Variants in TNRC6A observed in about 807,000 individuals in gnomAD.
The protein encoded by TNRC6A is trinucleotide repeat containing adaptor 6A.
A neutral mutation model predicts 221.2 loss-of-function variants in TNRC6A; 44 were observed. The observed-to-expected ratio is 0.20, with a 90% CI of 0.16 to 0.26. The LOEUF is 0.26. Among genes scored for constraint, TNRC6A ranks in the 10% least tolerant of loss-of-function variants. TNRC6A has a pLI of 1.00. For synonymous variants in TNRC6A, 847 were observed against 838.5 expected, an observed-to-expected ratio of 1.01 and a Z score of -0.18; for missense variants, 2,199 against 2,404.4, an observed-to-expected ratio of 0.91 and a Z score of 1.79.
chr16:24,737,562 G>A (rs577354348), intron 2 of TNRC6A, among the ~76,000 whole-genome samples: 9 of 152,316 alleles, frequency 5.9e-5, no homozygotes, highest in South Asian at 2.1e-4. Context: ...CTGACTTCCC[G>A]TTTCAAATGG....
At chr16:24,647,732 C>T (rs1303426806) in intron 2 of TNRC6A, among the ~76,000 whole-genome samples, 17 of 152,172 alleles carry the variant, frequency 1.1e-4, no homozygotes, top group Admixed American at 1.1e-3. Flanking sequence ...CTGCCTCAGC[C>T]TCCTGAGTAG....
rs1335643812 is a variant in TNRC6A at position 24,719,275 on chromosome 16, C to A, written n.403-31451C>A. ...GTGGCAGACACTTGTAATCATAGCA[C>A]TTTGGGAGGCCAGGGTGAGAGGATC... On this transcript the variant is annotated intron_variant and non_coding_transcript_variant, in intron 2 of 2. Transcript: ENST00000566108. Among the ~76,000 whole-genome samples, 7 of 152,048 alleles carry A rather than the reference C, an allele frequency of 4.6e-5. No homozygotes were observed. The East Asian group carries it at 1.3e-3, about 29-fold the overall frequency.
At chr16:24,770,510 T>C (rs1488693440) in intron 4 of TNRC6A, among the ~76,000 whole-genome samples, 2 of 152,130 alleles carry the variant, frequency 1.3e-5, no homozygotes, top group African/African-American at 4.8e-5. Flanking sequence ...ATTTGAGGTA[T>C]TCTGTTGGGC....
chr16:24,635,907 A>T (rs2051323424), intron 1 of TNRC6A, among the ~76,000 whole-genome samples: 1 of 152,200 alleles, frequency 6.6e-6, no homozygotes, highest in Non-Finnish European at 1.5e-5. Context: ...CTTTAAAGAG[A>T]CAATGCTGGT....
intron 2 of TNRC6A, among the ~76,000 whole-genome samples, chr16:24,703,687 A>G (rs1265018081): frequency 6.6e-6 from 1 of 152,250 alleles, no homozygotes; most frequent in East Asian, 1.9e-4. Context: ...TAAAACTGTT[A>G]TAAACATTTA....
chr16:24,643,110 AAT>A (rs1555483570), intron 2 of TNRC6A, among the ~76,000 whole-genome samples: 4 of 56,782 alleles, frequency 7.0e-5, no homozygotes, highest in African/African-American at 2.3e-4. Context: ...ATATATATAA[AAT>A]ATATATATAT....
At chr16:24,739,865 GTGT>G (rs1450484929) in intron 2 of TNRC6A, among the ~76,000 whole-genome samples, 6 of 152,018 alleles carry the variant, frequency 3.9e-5, no homozygotes, top group African/African-American at 1.4e-4. Flanking sequence ...TCTGTTACTT[GTGT>G]TGTTGGCAAC....
At chr16:24,649,243 A>G (rs1482290088) in intron 2 of TNRC6A, among the ~76,000 whole-genome samples, 2 of 152,134 alleles carry the variant, frequency 1.3e-5, no homozygotes, top group Non-Finnish European at 2.9e-5. Context: ...GCTAAATCAA[A>G]CTATTTAACA....
rs374375544 is a variant in TNRC6A, at chr16:24,823,293, C to T, written c.5514-139C>T. ...TGCACACTCGGGTGAAGGGAGGGCA[C>T]GCAGGTTATGTGGTGTAGTCTCTCC... On this transcript the variant is annotated intron_variant, in intron 24 of 24. Transcript: ENST00000395799. The surrounding 1 kb of genome is among the most constrained non-coding windows in gnomAD (Gnocchi z 4.3). The T allele has an allele frequency of 3.8e-5, 43 of 1,121,466 alleles. No individual in the cohort carries two copies. The South Asian group carries it at 5.8e-4, about 15-fold the overall frequency. 69.5% of individuals were successfully genotyped at this position (1,121,466 alleles called of 1,614,324 possible).
chr16:24,667,268 C>T (rs1413436763), intron 2 of TNRC6A, among the ~76,000 whole-genome samples: 1 of 152,136 alleles, frequency 6.6e-6, no homozygotes, highest in African/African-American at 2.4e-5. Flanking sequence ...CTTGGCTGGG[C>T]TCTGTCCCGT....
At position 24,654,322 on chromosome 16, in the gene TNRC6A, T is replaced by C. The variant is rs748599282; in HGVS notation, n.402+13313T>C. On this transcript the variant is annotated intron_variant and non_coding_transcript_variant, in intron 2 of 2. Transcript: ENST00000566108. ...GCATAATCAAACTGGACAGGCTCAA[T>C]GAATGATTACACTGTGCTTAATGGC... 5.3e-5 allele frequency among the ~76,000 whole-genome samples: 8 copies of C among 152,192 alleles called. 1 individual carries two copies. Among genetic ancestry groups the C allele is most frequent in the Admixed American group, 2.0e-4 (3 of 15,266 alleles).
chr16:24,804,983 C>T, intron 13 of TNRC6A, 31 bp from the exon 14 acceptor site: 3 of 1,614,092 alleles, frequency 1.9e-6, no homozygotes, highest in South Asian at 1.1e-5. Flanking sequence ...TAAAGAATCC[C>T]ACTGTTACTT....
chr16:24,817,984 A>G (rs568747018), intron 20 of TNRC6A, among the ~76,000 whole-genome samples: 1 of 152,308 alleles, frequency 6.6e-6, no homozygotes, highest in Admixed American at 6.5e-5. Context: ...AAGATGGGGT[A>G]ATCTGGCTGT....
intron 2 of TNRC6A, among the ~76,000 whole-genome samples, chr16:24,722,595 G>A (rs529646344): frequency 4.6e-5 from 7 of 151,966 alleles, no homozygotes; most frequent in Admixed American, 2.6e-4. Context: ...CACCACACCC[G>A]GCTAATTTTT....
Position 24,629,910 on chromosome 16 carries a change from C to T in TNRC6A, n.277-10974C>T, listed in dbSNP as rs142684835. On this transcript the variant is annotated intron_variant and non_coding_transcript_variant, in intron 1 of 2. Transcript: ENST00000566108. ...TCACCTGAGCCCAGGGAGATCAAGGCTGCAGTGAGCTATGATCACACCACT... is the reference window on the plus strand; with the variant it reads ...TCACCTGAGCCCAGGGAGATCAAGGTTGCAGTGAGCTATGATCACACCACT... Among the ~76,000 whole-genome samples the T allele has an allele frequency of 4.0e-5, 6 of 151,878 alleles. No homozygotes were observed. The East Asian group carries it at 1.2e-3, about 29-fold the overall frequency.
At chr16:24,687,675 G>A (rs1451593411) in intron 2 of TNRC6A, among the ~76,000 whole-genome samples, 2 of 152,020 alleles carry the variant, frequency 1.3e-5, no homozygotes, top group Non-Finnish European at 2.9e-5. Context: ...ATGTGCACCT[G>A]TAGTCCCAGC....
chr16:24,822,768 C>T, intron 23 of TNRC6A, 106 bp from the exon 24 acceptor site: 1 of 1,466,422 alleles, frequency 6.8e-7, no homozygotes. Flanking sequence ...GTGCCAGGAG[C>T]ACAGAGCCTC....
At chr16:24,792,508 A>G (rs2058125019) in intron 6 of TNRC6A, among the ~76,000 whole-genome samples, 1 of 151,228 alleles carries the variant, frequency 6.6e-6, no homozygotes, top group Non-Finnish European at 1.5e-5. Flanking sequence ...TTTTTAGTCT[A>G]AGTATAGTTT....
intron 2 of TNRC6A, among the ~76,000 whole-genome samples, chr16:24,750,276 A>G (rs570586196): frequency 2.6e-5 from 4 of 152,260 alleles, no homozygotes; most frequent in Non-Finnish European, 5.9e-5. Flanking sequence ...AATATTTACA[A>G]AGCTTTTTAG....
Sources: gnomAD v4.1 joint callset for allele counts (sites outside exome capture counted in the v4.1 genomes callset) on GRCh38, gnomAD v4.1.1 for gene constraint, Gnocchi (gnomAD v3.1) non-coding constraint, MANE v1.5 for transcripts, NCBI Gene and HGNC (gene_info 2026-07-23, HGNC 2026-07-21) for gene names.